EPB41L4A: variants seen among roughly 807,000 people sequenced by gnomAD.
The protein encoded by EPB41L4A is erythrocyte membrane protein band 4.1 like 4A, also known as band 4.1-like protein 4A.
EPB41L4A carries 100 observed loss-of-function variants against 108.6 expected under a neutral mutation model. That is an observed-to-expected ratio of 0.92 (90% CI 0.78 to 1.09). The LOEUF (loss-of-function observed/expected upper bound fraction) is 1.09. Among genes scored for constraint, EPB41L4A ranks in the 50% least tolerant of loss-of-function variants. The pLI, the probability that EPB41L4A is intolerant of heterozygous loss-of-function variation, is 0.00. For synonymous variants in EPB41L4A, 319 were observed against 289.0 expected, an observed-to-expected ratio of 1.10 and a Z score of -1.05; for missense variants, 1,030 against 842.7, an observed-to-expected ratio of 1.22 and a Z score of -2.75.
At position 112,183,957 on chromosome 5, in the gene EPB41L4A, T is replaced by A. The variant is rs1761291301; in HGVS notation, c.1622+59A>T. The A allele has an allele frequency of 6.2e-6, 10 of 1,602,686 alleles. No homozygotes were observed. The East Asian group carries it at 2.2e-4, about 36-fold the overall frequency. On this transcript the variant is annotated intron_variant, in intron 18 of 22. Transcript: ENST00000261486. Reference sequence around the variant, plus strand: ...TAAAACACTTTAGAAGACCTGAATATCCACATGCTACTTCAAATTCAGTGT... The same window carrying A: ...TAAAACACTTTAGAAGACCTGAATAACCACATGCTACTTCAAATTCAGTGT...
intron 13 of EPB41L4A, among the ~76,000 whole-genome samples, chr5:112,209,208 C>G (rs1290518178): frequency 6.6e-6 from 1 of 152,200 alleles, no homozygotes; most frequent in Non-Finnish European, 1.5e-5. Context: ...TGGGGGGCAA[C>G]CCCTATAGAG....
At chr5:112,299,937 T>A (rs1754244071) in intron 2 of EPB41L4A, among the ~76,000 whole-genome samples, 1 of 152,208 alleles carries the variant, frequency 6.6e-6, no homozygotes, top group Admixed American at 6.5e-5. Context: ...TTTTAACTAC[T>A]CTTAAAGTTT....
chr5:112,201,892 C>G (rs141504142), intron 15 of EPB41L4A, among the ~76,000 whole-genome samples: 251 of 152,254 alleles, frequency 1.6e-3, no homozygotes, highest in African/African-American at 5.9e-3. Context: ...GACAAGCTAC[C>G]ATCATCTCCC....
chr5:112,258,065 A>AT (rs1751235925), intron 9 of EPB41L4A, among the ~76,000 whole-genome samples: 1 of 152,266 alleles, frequency 6.6e-6, no homozygotes, highest in African/African-American at 2.4e-5. Flanking sequence ...AAAATCTGGA[A>AT]TTCCCCTTCC....
intron 11 of EPB41L4A, among the ~76,000 whole-genome samples, chr5:112,237,712 G>C (rs1190753079): frequency 2.0e-5 from 3 of 152,150 alleles, no homozygotes; most frequent in Admixed American, 6.5e-5. Flanking sequence ...CTGGTTGCTT[G>C]CCCTCTTTTG....
chr5:112,210,910 C>T (rs999770037), intron 12 of EPB41L4A, among the ~76,000 whole-genome samples: 8 of 151,682 alleles, frequency 5.3e-5, no homozygotes, highest in South Asian at 2.1e-4. Flanking sequence ...GTAATAGTTA[C>T]GGTCCTTCAA....
intron 1 of EPB41L4A, among the ~76,000 whole-genome samples, chr5:112,314,505 T>TAAAAAAAAAAAAAAAA (rs552428109): frequency 1.1e-3 from 58 of 55,186 alleles, no homozygotes; most frequent in East Asian, 2.5e-3. Flanking sequence ...CCATCGCTAC[T>TAAAAAAAAAAAAAAAA]AAAAAAAAAA....
At chr5:112,416,537 G>A (rs1334463980) in intron 1 of EPB41L4A, among the ~76,000 whole-genome samples, 2 of 152,186 alleles carry the variant, frequency 1.3e-5, no homozygotes, top group South Asian at 2.1e-4. Flanking sequence ...GAGAACAGTA[G>A]GCTAATTGAT....
At chr5:112,360,764 G>C (rs948613802) in intron 1 of EPB41L4A, among the ~76,000 whole-genome samples, 47 of 152,076 alleles carry the variant, frequency 3.1e-4, no homozygotes, top group Non-Finnish European at 3.8e-4. Context: ...CCTCTTCCCG[G>C]TCGTCATCCC....
At chr5:112,257,062 T>C (rs1199832151) in intron 9 of EPB41L4A, 1 of 152,172 alleles carries the variant, frequency 6.6e-6, no homozygotes, top group Non-Finnish European at 1.5e-5. Flanking sequence ...ATTTCAACCA[T>C]TCTTCATGCT....
At chr5:112,269,560 G>C (rs1182262515) in intron 4 of EPB41L4A, among the ~76,000 whole-genome samples, 3 of 152,128 alleles carry the variant, frequency 2.0e-5, no homozygotes, top group African/African-American at 7.2e-5. Context: ...TGGAATGCTT[G>C]AGTCCTCATT....
At chr5:112,367,035 C>T (rs949574719) in intron 1 of EPB41L4A, among the ~76,000 whole-genome samples, 3 of 152,176 alleles carry the variant, frequency 2.0e-5, no homozygotes, top group Admixed American at 6.5e-5. Context: ...AGAGGACACA[C>T]CTTTGAGCCT....
intron 1 of EPB41L4A, among the ~76,000 whole-genome samples, chr5:112,354,177 TTTATAATAGTGCC>T (rs1053905947): frequency 6.6e-6 from 1 of 152,218 alleles, no homozygotes; most frequent in African/African-American, 2.4e-5. Context: ...ACAAAGGTGC[TTTATAATAGTGCC>T]TGGCACATAA....
chr5:112,418,834 A>G, intron 1 of EPB41L4A, 107 bp downstream of exon 1: 1 of 778,676 alleles, frequency 1.3e-6, no homozygotes, highest in Non-Finnish European at 2.2e-6. Flanking sequence ...CCCACCGCGC[A>G]GAGTCGCGGC....
chr5:112,414,294 G>C (rs1366604200), intron 1 of EPB41L4A, among the ~76,000 whole-genome samples: 2 of 152,108 alleles, frequency 1.3e-5, no homozygotes, highest in Admixed American at 6.6e-5. Flanking sequence ...AAAATAGAAG[G>C]CATCTAAAAG....
In EPB41L4A at chr5:112,387,914, GA is replaced by G. The variant is rs539203401; in HGVS notation, c.99+31026del. 4.6e-3 allele frequency among the ~76,000 whole-genome samples: 693 copies of G among 152,142 alleles called. 14 individuals carry two copies. Among genetic ancestry groups the G allele is most frequent in the African/African-American group, 0.016 (662 of 41,518 alleles). On this transcript the variant is annotated intron_variant, in intron 1 of 22. Coordinates refer to ENST00000261486, the MANE Select transcript of EPB41L4A (RefSeq NM_022140.5). ...ACTTTCTATCTTCCTCACTTAAAAAGAAATGTAAAAGTTACCCACCAAGTTT... is the reference window on the plus strand; with the variant it reads ...ACTTTCTATCTTCCTCACTTAAAAAGAATGTAAAAGTTACCCACCAAGTTT...
At chr5:112,160,137 C>T (rs553054430), downstream of EPB41L4A, among the ~76,000 whole-genome samples, 1 of 152,228 alleles carries the variant, frequency 6.6e-6, no homozygotes, top group Non-Finnish European at 1.5e-5. Context: ...TCTTGAACTC[C>T]TGACTTCAGG....
chr5:112,339,238 T>C (rs1029666962), intron 1 of EPB41L4A, among the ~76,000 whole-genome samples: 9 of 151,948 alleles, frequency 5.9e-5, no homozygotes, highest in African/African-American at 1.5e-4. Context: ...GGGCTGGCTA[T>C]CACACCACTG....
At chr5:112,387,276 C>CATTA (rs1760613291) in intron 1 of EPB41L4A, among the ~76,000 whole-genome samples, 3 of 152,198 alleles carry the variant, frequency 2.0e-5, no homozygotes, top group African/African-American at 7.2e-5. Flanking sequence ...TGCAAACCAC[C>CATTA]ATTCCAGCTT....
Sources: gnomAD v4.1 joint callset for allele counts (sites outside exome capture counted in the v4.1 genomes callset) on GRCh38, gnomAD v4.1.1 for gene constraint, MANE v1.5 for transcripts, NCBI Gene and HGNC (gene_info 2026-07-23, HGNC 2026-07-21) for gene names.